AMZ1: variants seen among roughly 807,000 people sequenced by gnomAD.
The protein encoded by AMZ1 is archaemetzincin-1.
Under a neutral mutation model 29.9 loss-of-function variants are expected in AMZ1, and 39 were observed. The observed-to-expected ratio is 1.30, with a 90% CI of 1.01 to 1.70. The LOEUF is 1.70. Ranked by LOEUF, AMZ1 falls within the 40% of genes most tolerant of loss-of-function variation. The pLI, the probability that AMZ1 is intolerant of heterozygous loss-of-function variation, is 0.00. For missense variants in AMZ1, 1,041 were observed against 680.6 expected (o/e 1.53, Z -5.89); for synonymous variants, 458 against 304.0 (o/e 1.51, Z -5.27).
At chr7:2,687,554 C>T (rs1325087471), upstream of AMZ1, among the ~76,000 whole-genome samples, 1 of 152,246 alleles carries the variant, frequency 6.6e-6, no homozygotes, top group Non-Finnish European at 1.5e-5. Context: ...GCCTTCACGG[C>T]ATCCTTCCGC....
intron 4 of AMZ1, among the ~76,000 whole-genome samples, chr7:2,741,328 C>G (rs1158043992): frequency 6.6e-6 from 1 of 152,094 alleles, no homozygotes; most frequent in African/African-American, 2.4e-5. Flanking sequence ...GCACTCAGGC[C>G]TGGGCAACAG....
rs145061913 is a variant in AMZ1, at chr7:2,712,476, G to A, written c.1095G>A (p.Ser365=). 0.014 allele frequency: 23,334 copies of A among 1,610,492 alleles called. 215 individuals are homozygous for A. The highest frequency in any genetic ancestry group is 0.017 in the Non-Finnish European group (20,329 of 1,179,336). ...ACTCGGAGCCCGGCACCAGTGTGTC[G>A]GAGCCCCTCACCCCTGATGCCGGGA... ...ESDSEPGTSV[S]EPLTPDAGSH... Residue 365 remains serine, a synonymous_variant, in exon 7 of 7, where the codon TCG becomes TCA. Transcript: ENST00000683327.
Position 2,700,563 on chromosome 7 carries a change from C to G in AMZ1, c.112C>G (p.Pro38Ala), listed in dbSNP as rs750693710. 3.1e-6 allele frequency: 5 copies of G among 1,609,998 alleles called. No individual in the cohort carries two copies. In the East Asian group the frequency reaches 6.7e-5, roughly 22 times the overall value. ...GCAGCTGTATGTGTCCGCCTTCTCCCCTGCCGAGCGGCTCTTCCTGGCCGA... is the reference window on the plus strand; with the variant it reads ...GCAGCTGTATGTGTCCGCCTTCTCCGCTGCCGAGCGGCTCTTCCTGGCCGA... ...LQQLYVSAFS[P>A]AERLFLAEAY... The change falls in exon 2 of 7, where the codon CCT becomes GCT. Residue 38 changes from proline to alanine, a missense_variant. Physicochemically the swap from Pro to Ala is conservative, Grantham distance 27. Transcript: ENST00000683327.
intron 4 of AMZ1, among the ~76,000 whole-genome samples, chr7:2,740,987 G>A (rs571884379): frequency 1.3e-5 from 2 of 152,352 alleles, no homozygotes; most frequent in East Asian, 3.9e-4. Context: ...AGAGCTTGCA[G>A]TGAGCTGAGA....
upstream of AMZ1, chr7:2,763,191 A>AACACACAC (rs56384682): frequency 0.058 from 12,855 of 222,404 alleles, 719 homozygotes; most frequent in African/African-American, 0.12. Flanking sequence ...AAGACACCCC[A>AACACACAC]ACACACACAC....
intron 4 of AMZ1, among the ~76,000 whole-genome samples, chr7:2,749,828 A>G (rs1357772725): frequency 2.6e-5 from 4 of 152,286 alleles, no homozygotes; most frequent in Admixed American, 2.6e-4. Context: ...GTGACCACTG[A>G]AATTAGATTA....
At position 2,712,503 on chromosome 7, in the gene AMZ1, TCA is replaced by T. The variant is rs1562376025; in HGVS notation, c.1126_1127del (p.Thr376LeufsTer32). 1.2e-6 allele frequency: 2 copies of T among 1,608,558 alleles called. No homozygotes were observed. Among genetic ancestry groups the T allele is most frequent in the Admixed American group, 3.3e-5 (2 of 59,738 alleles). ...SEPLTPDAGS[H>X]TFASGPEEGL... is the part of the protein sequence containing the mutation. ...AGCCCCTCACCCCTGATGCCGGGAG[TCA>T]CACCTTCGCCTCGGGGCCAGAGGAA... On this transcript the variant is annotated frameshift_variant, in exon 7 of 7. Coordinates refer to ENST00000683327, the MANE Select transcript of AMZ1 (RefSeq NM_001384743.1). LOFTEE classifies it low-confidence loss of function (END_TRUNC).
In AMZ1 at chr7:2,718,304, C is replaced by A. The variant is rs798562; in HGVS notation, c.*5426C>A. 6.6e-6 allele frequency among the ~76,000 whole-genome samples: 1 copy of A among 152,070 alleles called. No homozygotes were observed. Among genetic ancestry groups the A allele is most frequent in the Non-Finnish European group, 1.5e-5 (1 of 67,992 alleles). On this transcript the variant is annotated 3_prime_UTR_variant, in exon 7 of 7. Transcript: ENST00000683327. ...TCTCTCTCAGGCAGGGTGCTCTGCC[C>A]GCCACAGTGTGCCTGGTTTTCTGGA...
upstream of AMZ1, chr7:2,763,086 TGA>T (rs1385989311): frequency 1.5e-5 from 19 of 1,249,796 alleles, no homozygotes; most frequent in South Asian, 4.0e-4. Flanking sequence ...CAGCCTTGAG[TGA>T]GAGACCACAA....
chr7:2,740,132 T>A (rs75011879), intron 4 of AMZ1, among the ~76,000 whole-genome samples: 2 of 152,178 alleles, frequency 1.3e-5, no homozygotes, highest in African/African-American at 2.4e-5. Context: ...ACGGTGGCCA[T>A]CCTACTAGCT....
chr7:2,762,638 G>A (rs1314997173), upstream of AMZ1: 5 of 1,593,466 alleles, frequency 3.1e-6, no homozygotes, highest in Admixed American at 5.2e-5. Context: ...ATGCCATGAA[G>A]CACAGAGCGG....
chr7:2,686,542 CT>C (rs939725743), upstream of AMZ1, among the ~76,000 whole-genome samples: 6 of 152,050 alleles, frequency 3.9e-5, no homozygotes, highest in African/African-American at 1.4e-4. Flanking sequence ...TCAAAAAAAA[CT>C]TTTTAAAAAT....
chr7:2,726,817 C>T (rs1045178382), intron 4 of AMZ1, among the ~76,000 whole-genome samples: 2 of 152,186 alleles, frequency 1.3e-5, no homozygotes, highest in Non-Finnish European at 2.9e-5. Flanking sequence ...CGCCGAGGAC[C>T]GGACGGTGCC....
At chr7:2,705,569 T>C (rs1788305178) in intron 3 of AMZ1, among the ~76,000 whole-genome samples, 1 of 152,196 alleles carries the variant, frequency 6.6e-6, no homozygotes, top group Non-Finnish European at 1.5e-5. Context: ...AAGCAGCTGT[T>C]CTTTATCATT....
intron 1 of AMZ1, among the ~76,000 whole-genome samples, chr7:2,681,551 G>T (rs916448368): frequency 6.6e-6 from 1 of 152,134 alleles, no homozygotes; most frequent in South Asian, 2.1e-4. Flanking sequence ...ATGAGCCACG[G>T]TGCCCAGCCA....
At position 2,719,663 on chromosome 7, in the gene AMZ1, A is replaced by C. The variant is rs1789335671; in HGVS notation, c.*6785A>C. ...ATCTTACATTTTCATTCTCAAAATT[A>C]ATAAATGCTATCAACCCCAATTTTT... On this transcript the variant is annotated 3_prime_UTR_variant, in exon 7 of 7. Coordinates refer to ENST00000683327, the MANE Select transcript of AMZ1 (RefSeq NM_001384743.1). 6.7e-6 allele frequency among the ~76,000 whole-genome samples: 1 copy of C among 150,150 alleles called. No individual in the cohort carries two copies. The highest frequency in any genetic ancestry group is 2.1e-4 in the South Asian group (1 of 4,756).
rs150902327 is a variant in AMZ1, at chr7:2,706,566, C to T, written c.473-2022C>T. ...GGTGCTTCCTGGCTGCCTCCAGCTT[C>T]TGGAAGTTGCTGGCAATGCCCAGCC... On this transcript the variant is annotated intron_variant, in intron 3 of 6. Coordinates refer to ENST00000683327, the MANE Select transcript of AMZ1 (RefSeq NM_001384743.1). Among the ~76,000 whole-genome samples the T allele has an allele frequency of 2.0e-3, 312 of 152,344 alleles. 3 individuals carry two copies. The highest frequency in any genetic ancestry group is 7.0e-3 in the African/African-American group (291 of 41,572).
chr7:2,711,516 A>G (rs1788775872), intron 6 of AMZ1, among the ~76,000 whole-genome samples: 1 of 152,164 alleles, frequency 6.6e-6, no homozygotes, highest in Non-Finnish European at 1.5e-5. Flanking sequence ...AGGAGAGGAG[A>G]CTAACCTTGA....
chr7:2,684,950 A>G (rs1205960313), upstream of AMZ1, among the ~76,000 whole-genome samples: 1 of 150,864 alleles, frequency 6.6e-6, no homozygotes, highest in East Asian at 2.0e-4. Context: ...GCTCACTGCA[A>G]GCTCCGCCTC....
Sources: gnomAD v4.1 joint callset for allele counts (sites outside exome capture counted in the v4.1 genomes callset) on GRCh38, gnomAD v4.1.1 for gene constraint, MANE v1.5 for transcripts, NCBI Gene and HGNC (gene_info 2026-07-23, HGNC 2026-07-21) for gene names.